The following PDYN variants were observed in gnomAD, a reference collection of about 807,000 sequenced individuals.
PDYN encodes the protein proenkephalin-B.
In PDYN, 5 loss-of-function variants were observed where a neutral mutation model predicts 11.4. The observed-to-expected ratio is 0.44, with a 90% CI of 0.23 to 0.92. The LOEUF (loss-of-function observed/expected upper bound fraction) is 0.92, where lower values mean the gene tolerates loss of function less well. Among genes scored for constraint, PDYN ranks in the 40% least tolerant of loss-of-function variants. PDYN has a pLI of 0.24. For synonymous variants in PDYN, 132 were observed against 129.5 expected, an observed-to-expected ratio of 1.02 and a Z score of -0.13; for missense variants, 337 against 317.3, an observed-to-expected ratio of 1.06 and a Z score of -0.47.
intron 2 of PDYN, among the ~76,000 whole-genome samples, chr20:1,988,209 A>G (rs1988277056): frequency 6.6e-6 from 1 of 152,150 alleles, no homozygotes; most frequent in Admixed American, 6.5e-5. Context: ...TCCATTTTAC[A>G]GAGGGCCAGA....
chr20:1,986,981 C>T (rs1027134189), intron 2 of PDYN, among the ~76,000 whole-genome samples: 16 of 152,230 alleles, frequency 1.1e-4, no homozygotes, highest in African/African-American at 3.6e-4. Context: ...CTCCTTTGAG[C>T]TCCCACGGCC....
intron 2 of PDYN, among the ~76,000 whole-genome samples, chr20:1,991,620 A>G (rs934987426): frequency 6.6e-6 from 1 of 152,264 alleles, no homozygotes; most frequent in African/African-American, 2.4e-5. Context: ...TGTCAGACCC[A>G]GCAAGATTAG....
intron 2 of PDYN, among the ~76,000 whole-genome samples, chr20:1,985,564 G>A (rs1988132338): frequency 6.6e-6 from 1 of 152,180 alleles, no homozygotes; most frequent in Non-Finnish European, 1.5e-5. Flanking sequence ...CCCACAAACT[G>A]TGAGAGGTGG....
chr20:1,981,921 G>A (rs1257321515), intron 3 of PDYN, among the ~76,000 whole-genome samples: 1 of 129,028 alleles, frequency 7.8e-6, no homozygotes, highest in Non-Finnish European at 1.6e-5. Context: ...GCAAGACTCT[G>A]TCTCAAACAA....
At position 1,983,027 on chromosome 20, in the gene PDYN, C is replaced by T. The variant is rs1987932008; in HGVS notation, c.58G>A (p.Ala20Thr). 1 of 1,614,026 alleles carries T rather than the reference C, an allele frequency of 6.2e-7. No individual in the cohort carries two copies. The highest frequency in any genetic ancestry group is 8.5e-7 in the Non-Finnish European group (1 of 1,179,984). ...ACLLMFPSTT[A>T]DCLSRCSLCA... Reference sequence around the variant, plus strand: ...AAGGAGCACCGCGACAGGCAGTCCGCTGTGGTGGAGGGGAACATGAGGAGG... The same window carrying T: ...AAGGAGCACCGCGACAGGCAGTCCGTTGTGGTGGAGGGGAACATGAGGAGG... Residue 20 changes from alanine (A) to threonine (T), a missense_variant, in exon 3 of 4, where the codon GCG (alanine) becomes ACG (threonine). Coordinates refer to ENST00000217305, the MANE Select transcript of PDYN (RefSeq NM_024411.5).
At chr20:1,987,563 T>C (rs1988245933) in intron 2 of PDYN, among the ~76,000 whole-genome samples, 1 of 152,150 alleles carries the variant, frequency 6.6e-6, no homozygotes, top group Non-Finnish European at 1.5e-5. Flanking sequence ...CTGCAGCCCC[T>C]GAATTACCCA....
At chr20:1,991,333 G>A (rs202055686) in intron 2 of PDYN, among the ~76,000 whole-genome samples, 1 of 151,596 alleles carries the variant, frequency 6.6e-6, no homozygotes, top group Non-Finnish European at 1.5e-5. Flanking sequence ...TCTGCGGCTT[G>A]TGGCCAGCCG....
intron 2 of PDYN, among the ~76,000 whole-genome samples, chr20:1,990,517 G>T (rs1988387043): frequency 6.6e-6 from 1 of 152,152 alleles, no homozygotes; most frequent in South Asian, 2.1e-4. Flanking sequence ...CTCGGGTTCT[G>T]AACAGAAAGT....
Position 1,979,252 on chromosome 20 carries a change from C to T in PDYN, c.*1071G>A, listed in dbSNP as rs752953257. On this transcript the variant is annotated 3_prime_UTR_variant, in exon 4 of 4. Transcript: ENST00000217305. ...GGATTGAAGAGGGCTTTTTCTCTTT[C>T]TAGCTGCTGCTTCTGGAGTCCCTTA... 189 of 152,582 alleles carry T rather than the reference C, an allele frequency of 1.2e-3. 1 individual carries two copies. The highest frequency in any genetic ancestry group is 1.7e-3 in the Non-Finnish European group (119 of 68,190). The allele number at this position is 152,582 out of a possible 1,614,324, so 9.5% of individuals were successfully genotyped here. A position where few individuals can be genotyped will look rare whatever the true frequency, so the allele number is the denominator to read the frequency against.
rs1006978061 is a variant in PDYN, at chr20:1,978,872, A to G, written c.*1451T>C. 2.0e-5 allele frequency: 3 copies of G among 152,176 alleles called. No homozygotes were observed. Among genetic ancestry groups the G allele is most frequent in the Non-Finnish European group, 4.4e-5 (3 of 68,034 alleles). 9.4% of individuals were successfully genotyped at this position (152,176 alleles called of 1,614,324 possible). On this transcript the variant is annotated 3_prime_UTR_variant, in exon 4 of 4. Transcript: ENST00000217305. ...AAATGGGATTTTTTTAAAGGACACA[A>G]AATAACTCTAAAACAATCTATCCAT...
rs1987630775 is a variant in PDYN at position 1,980,081 on chromosome 20, T to G, written c.*242A>C. ...GCTGCCGCTGCTGATAGTTTTAGAG[T>G]CTAGGTGTCTGAGCCAAGCACTAAG... On this transcript the variant is annotated 3_prime_UTR_variant, in exon 4 of 4. Coordinates refer to ENST00000217305, the MANE Select transcript of PDYN (RefSeq NM_024411.5). 1.7e-6 allele frequency: 1 copy of G among 574,218 alleles called. No individual in the cohort carries two copies. Among genetic ancestry groups the G allele is most frequent in the Non-Finnish European group, 3.1e-6 (1 of 319,158 alleles). 35.6% of individuals were successfully genotyped at this position (574,218 alleles called of 1,614,324 possible).
At chr20:1,986,661 T>C (rs6035238) in intron 2 of PDYN, among the ~76,000 whole-genome samples, 34,779 of 152,198 alleles carry the variant, frequency 0.23, 7,060 homozygotes, top group African/African-American at 0.55. Flanking sequence ...TCTCCCCATT[T>C]ATGGATGAGA....
intron 3 of PDYN, 121 bp from the exon 4 acceptor site, chr20:1,981,079 C>G (rs778798897): frequency 3.2e-5 from 35 of 1,090,554 alleles, no homozygotes; most frequent in South Asian, 4.0e-5. Flanking sequence ...AAGCCCTGGG[C>G]TACCCATGTT....
chr20:1,980,456 A>G lies in PDYN; in HGVS notation c.632T>C (p.Leu211Ser), dbSNP rs267606940. The G allele has an allele frequency of 3.3e-5, 53 of 1,613,996 alleles. No homozygotes were observed. The highest frequency in any genetic ancestry group is 4.4e-5 in the Non-Finnish European group (52 of 1,180,018). The change falls in exon 4 of 4, where the codon TTG (leucine) becomes TCG (serine). Residue 211 changes from leucine (L) to serine (S), a missense_variant. Physicochemically the swap from Leu to Ser is moderately radical, Grantham distance 145 (BLOSUM62 -2). Transcript: ENST00000217305. ...EDLYKRYGGF[L>S]RRIRPKLKWD... is the part of the protein sequence containing the mutation. ...CTTGAGCTTGGGACGAATGCGCCGC[A>G]AGAAGCCCCCATAGCGTTTGTACAG...
intron 3 of PDYN, among the ~76,000 whole-genome samples, chr20:1,982,043 G>A (rs777961076): frequency 1.1e-4 from 16 of 151,344 alleles, no homozygotes; most frequent in Non-Finnish European, 2.4e-4. Flanking sequence ...AATCACTTGA[G>A]GTCAAGAGTC....
At chr20:1,991,736 C>A (rs1988458142) in intron 2 of PDYN, among the ~76,000 whole-genome samples, 2 of 152,268 alleles carry the variant, frequency 1.3e-5, no homozygotes, top group South Asian at 4.1e-4. Flanking sequence ...ATTGATCTCT[C>A]TTACAATGAT....
At chr20:1,990,952 A>C (rs1327256625) in intron 2 of PDYN, among the ~76,000 whole-genome samples, 2 of 151,306 alleles carry the variant, frequency 1.3e-5, no homozygotes, top group Admixed American at 1.3e-4. Flanking sequence ...CCATATGGGA[A>C]GAAAAAATAA....
At chr20:1,990,626 G>A (rs1434672231) in intron 2 of PDYN, among the ~76,000 whole-genome samples, 1 of 152,228 alleles carries the variant, frequency 6.6e-6, no homozygotes, top group Admixed American at 6.5e-5. Flanking sequence ...CAGAGGGAAA[G>A]ACGGCCTTGC....
chr20:1,992,072 A>G (rs1189060273), intron 2 of PDYN, among the ~76,000 whole-genome samples: 1 of 152,196 alleles, frequency 6.6e-6, no homozygotes, highest in Non-Finnish European at 1.5e-5. Flanking sequence ...GTATTTATTG[A>G]GCACCTACTG....
Sources: gnomAD v4.1 joint callset for allele counts (sites outside exome capture counted in the v4.1 genomes callset) on GRCh38, gnomAD v4.1.1 for gene constraint, MANE v1.5 for transcripts, NCBI Gene and HGNC (gene_info 2026-07-23, HGNC 2026-07-21) for gene names.